PTPRG: variants seen among roughly 807,000 people sequenced by gnomAD.
PTPRG encodes the protein receptor-type tyrosine-protein phosphatase gamma.
A neutral mutation model predicts 165.3 loss-of-function variants in PTPRG; 102 were observed. That is an observed-to-expected ratio of 0.62 (90% CI 0.53 to 0.73). The LOEUF (loss-of-function observed/expected upper bound fraction) is 0.73, where lower values mean the gene tolerates loss of function less well. Ranked by LOEUF, PTPRG falls within the 30% of genes least tolerant of loss-of-function variation. The probability of loss-of-function intolerance (pLI) is 0.00; values close to 1 mark genes in which losing one functional copy is unlikely to be tolerated. For synonymous variants in PTPRG, 675 were observed against 669.5 expected (o/e 1.01, Z -0.13); for missense variants, 1,866 against 1,861.4 (o/e 1.00, Z -0.05).
chr3:61,605,605 G>A (rs778728116), intron 1 of PTPRG, among the ~76,000 whole-genome samples: 6 of 151,376 alleles, frequency 4.0e-5, no homozygotes, highest in Admixed American at 6.6e-5. Flanking sequence ...GTCTTGCTCC[G>A]TCACCTAGAC....
chr3:61,782,038 C>A (rs187114944), intron 2 of PTPRG, among the ~76,000 whole-genome samples: 14 of 152,226 alleles, frequency 9.2e-5, no homozygotes, highest in African/African-American at 2.9e-4. Context: ...ATAGCTTCAG[C>A]TCAGCAGGAC....
chr3:61,808,420 AT>A lies in PTPRG; in HGVS notation c.190+59447del, dbSNP rs369805564. Among the ~76,000 whole-genome samples the A allele has an allele frequency of 3.9e-4, 59 of 150,706 alleles. 1 individual carries two copies. The highest frequency in any genetic ancestry group is 2.4e-3 in the Admixed American group (36 of 15,092). ...TATTCCTTAACTGTGAAATCTATACATTTTTTTTTCATCCACCCCAGATAAA... is the reference window on the plus strand; with the variant it reads ...TATTCCTTAACTGTGAAATCTATACATTTTTTTTCATCCACCCCAGATAAA... On this transcript the variant is annotated intron_variant, in intron 2 of 29. Transcript: ENST00000474889.
chr3:61,851,131 C>T (rs761297933), intron 2 of PTPRG, among the ~76,000 whole-genome samples: 14 of 152,162 alleles, frequency 9.2e-5, no homozygotes, highest in East Asian at 3.9e-4. Context: ...GTAACCTATG[C>T]TGTCAGTCAG....
At chr3:61,727,050 A>G (rs1224161792) in intron 1 of PTPRG, among the ~76,000 whole-genome samples, 1 of 151,744 alleles carries the variant, frequency 6.6e-6, no homozygotes, top group Admixed American at 6.6e-5. Flanking sequence ...CCGTCTCAAA[A>G]AAAAAAAAAA....
At chr3:62,095,276 C>T (rs1247510760) in intron 5 of PTPRG, among the ~76,000 whole-genome samples, 1 of 152,126 alleles carries the variant, frequency 6.6e-6, no homozygotes, top group Non-Finnish European at 1.5e-5. Context: ...AGCTGCATCC[C>T]CCATGTGACC....
At chr3:61,711,842 C>A (rs998904303) in intron 1 of PTPRG, among the ~76,000 whole-genome samples, 1 of 151,548 alleles carries the variant, frequency 6.6e-6, no homozygotes, top group African/African-American at 2.4e-5. Flanking sequence ...AAGTTTTACT[C>A]TGGAAAAAGA....
intron 2 of PTPRG, among the ~76,000 whole-genome samples, chr3:61,775,469 G>C (rs955986124): frequency 6.6e-6 from 1 of 152,144 alleles, no homozygotes; most frequent in African/African-American, 2.4e-5. Flanking sequence ...AATATGGGCA[G>C]ATGTTTTTAA....
chr3:61,666,216 G>T (rs979881988), intron 1 of PTPRG, among the ~76,000 whole-genome samples: 1 of 152,224 alleles, frequency 6.6e-6, no homozygotes, highest in East Asian at 1.9e-4. Context: ...CAAGGGCGCC[G>T]CAGCAGAGCT....
chr3:61,678,976 T>C (rs988371997), intron 1 of PTPRG, among the ~76,000 whole-genome samples: 6 of 152,040 alleles, frequency 3.9e-5, no homozygotes, highest in East Asian at 3.9e-4. Context: ...TGGCTTTTTT[T>C]CCCCCCGTTA....
At position 61,949,042 on chromosome 3, in the gene PTPRG, A is replaced by G. The variant is rs532591833; in HGVS notation, c.191-40583A>G. Among the ~76,000 whole-genome samples, 7 of 146,842 alleles carry G rather than the reference A, an allele frequency of 4.8e-5. No homozygotes were observed. In the South Asian group the frequency reaches 1.6e-3, roughly 35 times the overall value. Reference sequence around the variant, plus strand: ...GGCACTTAACAAAAAAGACAAGCCAAGAAAAAAAAAAAAAAGCCATGGGAC... The same window carrying G: ...GGCACTTAACAAAAAAGACAAGCCAGGAAAAAAAAAAAAAAGCCATGGGAC... On this transcript the variant is annotated intron_variant, in intron 2 of 29. Coordinates refer to ENST00000474889, the MANE Select transcript of PTPRG (RefSeq NM_002841.4).
intron 1 of PTPRG, among the ~76,000 whole-genome samples, chr3:61,655,741 G>A (rs1467254210): frequency 2.6e-5 from 4 of 152,134 alleles, no homozygotes; most frequent in Non-Finnish European, 4.4e-5. Flanking sequence ...CTGTAGCCAG[G>A]ACAACAGGCA....
intron 2 of PTPRG, among the ~76,000 whole-genome samples, chr3:61,888,676 T>G (rs930511268): frequency 1.8e-4 from 27 of 152,200 alleles, no homozygotes; most frequent in African/African-American, 6.5e-4. Flanking sequence ...TTATCTGAAT[T>G]GAGGAGTTCA....
At chr3:61,941,692 T>C (rs984322185) in intron 2 of PTPRG, among the ~76,000 whole-genome samples, 1 of 152,196 alleles carries the variant, frequency 6.6e-6, no homozygotes, top group Non-Finnish European at 1.5e-5. Context: ...GAACTAACCA[T>C]TGAAATTTGA....
intron 4 of PTPRG, among the ~76,000 whole-genome samples, chr3:62,006,189 A>C (rs2041294865): frequency 6.6e-6 from 1 of 152,172 alleles, no homozygotes; most frequent in Non-Finnish European, 1.5e-5. Context: ...TGCCTATATC[A>C]ATTGGGTTTC....
At position 62,133,534 on chromosome 3, in the gene PTPRG, C is replaced by G. The variant is rs534142944; in HGVS notation, c.682+866C>G. ...ATCTTCCCCCTCTCTTTCCGTGAAA[C>G]TAAAACCAGTTGTCAGGGGTCAATT... On this transcript the variant is annotated intron_variant, in intron 6 of 29. Transcript: ENST00000474889. Among the ~76,000 whole-genome samples, 5 of 152,300 alleles carry G rather than the reference C, an allele frequency of 3.3e-5. No homozygotes were observed. In the South Asian group the frequency reaches 1.0e-3, roughly 32 times the overall value.
chr3:61,611,043 C>T (rs1701153260), intron 1 of PTPRG, among the ~76,000 whole-genome samples: 1 of 152,150 alleles, frequency 6.6e-6, no homozygotes, highest in Non-Finnish European at 1.5e-5. Flanking sequence ...CGCAAGTGAT[C>T]CTCCTGTCTT....
chr3:61,611,843 G>A (rs908118149), intron 1 of PTPRG, among the ~76,000 whole-genome samples: 5 of 152,116 alleles, frequency 3.3e-5, no homozygotes, highest in Admixed American at 2.6e-4. Context: ...ATATTCTTTT[G>A]ACTTTTAAAA....
chr3:62,031,594 C>T (rs1178295262), intron 4 of PTPRG, among the ~76,000 whole-genome samples: 1 of 151,970 alleles, frequency 6.6e-6, no homozygotes, highest in Non-Finnish European at 1.5e-5. Context: ...GGTAGATGAC[C>T]GGGAATGGGG....
intron 2 of PTPRG, among the ~76,000 whole-genome samples, chr3:61,808,803 T>C (rs953125284): frequency 6.6e-6 from 1 of 151,958 alleles, no homozygotes; most frequent in Non-Finnish European, 1.5e-5. Flanking sequence ...TGTTCAAATC[T>C]GGCAGTAAAA....
Sources: gnomAD v4.1 joint callset for allele counts (sites outside exome capture counted in the v4.1 genomes callset) on GRCh38, gnomAD v4.1.1 for gene constraint, MANE v1.5 for transcripts, NCBI Gene and HGNC (gene_info 2026-07-23, HGNC 2026-07-21) for gene names.